Variants in OOSP3 observed in about 807,000 individuals in gnomAD.
OOSP3 encodes the protein oocyte secreted protein family member 3.
At chr11:59,890,995 C>T (rs1853307066) in intron 2 of OOSP3, among the ~76,000 whole-genome samples, 2 of 152,056 alleles carry the variant, frequency 1.3e-5, no homozygotes, top group Admixed American at 1.3e-4. Flanking sequence ...TTTCTCTAAT[C>T]TTGTCTGCTT....
At chr11:59,891,420 C>T (rs1382515794) in intron 2 of OOSP3, among the ~76,000 whole-genome samples, 2 of 152,118 alleles carry the variant, frequency 1.3e-5, no homozygotes, top group African/African-American at 4.8e-5. Flanking sequence ...ATGTATCTAC[C>T]TTTGACCTTT....
Position 59,891,309 on chromosome 11 carries a change from C to T in OOSP3, c.253-2770C>T, listed in dbSNP as rs146603686. Among the ~76,000 whole-genome samples, 1,209 of 152,294 alleles carry T rather than the reference C, an allele frequency of 7.9e-3. 18 individuals are homozygous for T. The highest frequency in any genetic ancestry group is 0.027 in the African/African-American group (1,133 of 41,560). ...CCATCTCAGATTCAGCCCAGTTCTGCGCCCTTGCTGAAGAGGTGTTGTAAT... is the reference window on the plus strand; with the variant it reads ...CCATCTCAGATTCAGCCCAGTTCTGTGCCCTTGCTGAAGAGGTGTTGTAAT... On this transcript the variant is annotated intron_variant, in intron 2 of 4. Transcript: ENST00000646438.
intron 2 of OOSP3, among the ~76,000 whole-genome samples, chr11:59,886,967 G>A (rs1433415699): frequency 1.3e-5 from 2 of 151,698 alleles, no homozygotes; most frequent in East Asian, 3.9e-4. Context: ...ATTTTTTTTT[G>A]TATTTTTAGT....
chr11:59,880,790 G>A (rs116371830), intron 2 of OOSP3, among the ~76,000 whole-genome samples: 94 of 152,296 alleles, frequency 6.2e-4, no homozygotes, highest in African/African-American at 2.2e-3. Context: ...CATAGATCAT[G>A]CATCTGTTCA....
chr11:59,895,004 C>A (rs2134533445), intron 3 of OOSP3, among the ~76,000 whole-genome samples: 1 of 152,198 alleles, frequency 6.6e-6, no homozygotes, highest in Admixed American at 6.5e-5. Context: ...AATCAAAGGG[C>A]TTGAATGGGC....
chr11:59,878,967 A>C lies in OOSP3; in HGVS notation c.73+86A>C, dbSNP rs188313317. On this transcript the variant is annotated intron_variant, in intron 1 of 4. Transcript: ENST00000646438. ...TTTACTGTTTGCTGTTTTGAGTGGA[A>C]GTGACTTTCCAGTATAGTTTTCTGA... The C allele has an allele frequency of 5.5e-4, 218 of 397,720 alleles. 1 individual carries two copies. Among genetic ancestry groups the C allele is most frequent in the African/African-American group, 3.5e-3 (171 of 48,698 alleles). 24.6% of individuals were successfully genotyped at this position (397,720 alleles called of 1,614,324 possible).
chr11:59,889,692 A>G (rs1409112494), intron 2 of OOSP3, among the ~76,000 whole-genome samples: 1 of 151,764 alleles, frequency 6.6e-6, no homozygotes. Flanking sequence ...GCATTTGCTG[A>G]GGAGTGTTTT....
At chr11:59,896,355 T>A in exon 5 of OOSP3, 1 of 393,022 alleles carries the variant, frequency 2.5e-6, no homozygotes, top group Non-Finnish European at 4.5e-6. Context: ...GTGCTTCATA[T>A]GTTTTTAAAA....
intron 2 of OOSP3, among the ~76,000 whole-genome samples, chr11:59,880,869 G>A (rs761513601): frequency 2.6e-5 from 4 of 152,180 alleles, no homozygotes; most frequent in South Asian, 4.1e-4. Context: ...AGAAGCAGGC[G>A]ATGAAAAAAT....
intron 2 of OOSP3, 35 bp downstream of exon 2, chr11:59,880,474 C>T (rs1280907114): frequency 2.5e-6 from 1 of 398,292 alleles, no homozygotes; most frequent in East Asian, 3.6e-5. Flanking sequence ...AATAAACTAA[C>T]CCCTAGGTTG....
intron 2 of OOSP3, among the ~76,000 whole-genome samples, chr11:59,887,369 C>T (rs893653495): frequency 2.6e-5 from 4 of 152,158 alleles, no homozygotes; most frequent in African/African-American, 9.7e-5. Context: ...AAAATCTTTG[C>T]ACATGTGTAT....
At position 59,879,077 on chromosome 11, in the gene OOSP3, G is replaced by T. The variant is rs79673354; in HGVS notation, c.73+196G>T. On this transcript the variant is annotated intron_variant, in intron 1 of 4. Coordinates refer to ENST00000646438, the Ensembl canonical transcript of OOSP3. ...TTATCTAGTTTATCCTAATACTTGA[G>T]AAAGAGCTAGTTTTATTCTTCCTCT... Among the ~76,000 whole-genome samples the T allele has an allele frequency of 8.3e-3, 1,270 of 152,240 alleles. 12 individuals carry two copies. Among genetic ancestry groups the T allele is most frequent in the African/African-American group, 0.029 (1,199 of 41,540 alleles).
At position 59,885,467 on chromosome 11, in the gene OOSP3, C is replaced by T. The variant is rs944602924; in HGVS notation, c.252+5028C>T. Among the ~76,000 whole-genome samples the T allele has an allele frequency of 6.6e-5, 10 of 151,780 alleles. No individual in the cohort carries two copies. In the East Asian group the frequency reaches 1.9e-3, roughly 30 times the overall value. ...TGAAGCCCAGCATGCATTAGCTATT[C>T]TCCCTCCCCATCCCCCTGACAGTCC... On this transcript the variant is annotated intron_variant, in intron 2 of 4. Coordinates refer to ENST00000646438, the Ensembl canonical transcript of OOSP3.
At chr11:59,881,110 C>T (rs1414714335) in intron 2 of OOSP3, among the ~76,000 whole-genome samples, 2 of 151,878 alleles carry the variant, frequency 1.3e-5, no homozygotes, top group Non-Finnish European at 2.9e-5. Context: ...CCTATAATCC[C>T]AGCAGTTTGG....
chr11:59,891,946 C>T (rs983113177), intron 2 of OOSP3, among the ~76,000 whole-genome samples: 1 of 152,192 alleles, frequency 6.6e-6, no homozygotes, highest in Non-Finnish European at 1.5e-5. Context: ...TGCAGGGTTC[C>T]GTGGGAGTGT....
chr11:59,887,337 A>T (rs117553646), intron 2 of OOSP3, among the ~76,000 whole-genome samples: 1,949 of 152,118 alleles, frequency 0.013, 18 homozygotes, highest in Non-Finnish European at 0.021. Flanking sequence ...CTTATGATGC[A>T]ATTTTTTGGC....
At chr11:59,885,673 C>T (rs1374915473) in intron 2 of OOSP3, among the ~76,000 whole-genome samples, 1 of 152,088 alleles carries the variant, frequency 6.6e-6, no homozygotes, top group Non-Finnish European at 1.5e-5. Flanking sequence ...TGGCTGCATA[C>T]TATTCCATGG....
chr11:59,881,186 C>T (rs756725721), intron 2 of OOSP3, among the ~76,000 whole-genome samples: 12 of 151,788 alleles, frequency 7.9e-5, no homozygotes, highest in Non-Finnish European at 1.6e-4. Flanking sequence ...TGGTGAAATG[C>T]TGTCTCTACT....
chr11:59,888,384 A>C (rs1208605368), intron 2 of OOSP3, among the ~76,000 whole-genome samples: 1 of 152,144 alleles, frequency 6.6e-6, no homozygotes, highest in African/African-American at 2.4e-5. Context: ...GCCATTTTTC[A>C]AGGGGAATGT....
Sources: allele counts gnomAD v4.1 joint callset (sites outside exome capture counted in the v4.1 genomes callset), GRCh38; gene constraint gnomAD v4.1.1; transcripts MANE v1.5; gene names NCBI Gene and HGNC (gene_info 2026-07-23, HGNC 2026-07-21).